The following RANBP2 variants were observed in gnomAD, a reference collection of about 807,000 sequenced individuals.
RANBP2 encodes the protein RAN binding protein 2, also known as E3 SUMO-protein ligase RanBP2.
RANBP2 carries 57 observed loss-of-function variants against 303.6 expected under a neutral mutation model. The ratio of observed to expected loss-of-function variants is 0.19; its 90% CI spans 0.15 to 0.23. The LOEUF is 0.23. Among genes scored for constraint, RANBP2 ranks in the 10% least tolerant of loss-of-function variants. The probability of loss-of-function intolerance (pLI) is 1.00; values close to 1 mark genes in which losing one functional copy is unlikely to be tolerated. For synonymous variants in RANBP2, 1,167 were observed against 1,301.5 expected (o/e 0.90, Z 2.23); for missense variants, 3,138 against 3,780.8 (o/e 0.83, Z 4.46).
chr2:109,691,087 A>ATC, the RANBP2 span, among the ~76,000 whole-genome samples: 1 of 152,278 alleles, frequency 6.6e-6, no homozygotes, highest in East Asian at 1.9e-4. Flanking sequence ...AAGACCTTGG[A>ATC]TCTCTCCTGG....
At chr2:109,643,512 C>T in the RANBP2 span, among the ~76,000 whole-genome samples, 36 of 152,214 alleles carry the variant, frequency 2.4e-4, no homozygotes, top group Admixed American at 1.2e-3. Flanking sequence ...GTAATCCCAG[C>T]ACTTTGGGAG....
At chr2:109,593,050 C>A in the RANBP2 span, 1 of 1,580,896 alleles carries the variant, frequency 6.3e-7, no homozygotes, top group Non-Finnish European at 8.6e-7. Flanking sequence ...GACATACTCA[C>A]TATCTGTTCA....
At chr2:109,544,497 C>T in the RANBP2 span, 5 of 985,142 alleles carry the variant, frequency 5.1e-6, no homozygotes, top group Non-Finnish European at 6.0e-6. Flanking sequence ...TTCTAGAGAG[C>T]TCTCAAAAAA....
chr2:108,900,677 T>C, the RANBP2 span, among the ~76,000 whole-genome samples: 1 of 152,134 alleles, frequency 6.6e-6, no homozygotes, highest in African/African-American at 2.4e-5. Context: ...GAAACTCACT[T>C]CAATATAATG....
the RANBP2 span, among the ~76,000 whole-genome samples, chr2:109,200,336 G>T: frequency 2.6e-5 from 4 of 152,166 alleles, no homozygotes; most frequent in African/African-American, 9.7e-5. Flanking sequence ...CTCACTAGCA[G>T]CCTCCTTTCC....
chr2:109,719,654 C>G, the RANBP2 span, among the ~76,000 whole-genome samples: 1 of 152,184 alleles, frequency 6.6e-6, no homozygotes, highest in Non-Finnish European at 1.5e-5. Context: ...ATCCGCTAGC[C>G]TCGGCCTCCC....
the RANBP2 span, among the ~76,000 whole-genome samples, chr2:109,261,470 G>A: frequency 1.3e-5 from 2 of 152,170 alleles, no homozygotes; most frequent in African/African-American, 4.8e-5. Flanking sequence ...CTTGGCTTTG[G>A]AGGTGTCAGA....
chr2:108,763,113 A>T, intron 19 of RANBP2, 124 bp from the exon 20 acceptor site: 1 of 1,139,638 alleles, frequency 8.8e-7, no homozygotes, highest in Non-Finnish European at 1.3e-6. Context: ...GATGTGTACT[A>T]CATCCCCTAA....
the RANBP2 span, among the ~76,000 whole-genome samples, chr2:109,492,118 A>G: frequency 0.083 from 12,638 of 152,262 alleles, 676 homozygotes; most frequent in African/African-American, 0.15. Context: ...GTGGCCACAC[A>G]CTGTATGTAG....
At chr2:109,178,093 A>G in the RANBP2 span, among the ~76,000 whole-genome samples, 1 of 152,140 alleles carries the variant, frequency 6.6e-6, no homozygotes, top group African/African-American at 2.4e-5. Flanking sequence ...AACTAAAAAT[A>G]TTTTCTCTTT....
chr2:109,531,446 A>G, the RANBP2 span, among the ~76,000 whole-genome samples: 1 of 152,192 alleles, frequency 6.6e-6, no homozygotes, highest in African/African-American at 2.4e-5. Flanking sequence ...CTGACCCACA[A>G]GACTTCTGAG....
chr2:108,774,696 T>C (rs1202134542), intron 23 of RANBP2, among the ~76,000 whole-genome samples: 1 of 150,946 alleles, frequency 6.6e-6, no homozygotes, highest in Non-Finnish European at 1.5e-5. Flanking sequence ...GCACTTTTTT[T>C]CTAGTTTCTT....
the RANBP2 span, among the ~76,000 whole-genome samples, chr2:109,660,467 A>T: frequency 6.6e-6 from 1 of 152,160 alleles, no homozygotes; most frequent in Non-Finnish European, 1.5e-5. Flanking sequence ...CTTTCATTGC[A>T]TTGTGTGTTT....
chr2:109,626,100 C>G, the RANBP2 span, among the ~76,000 whole-genome samples: 1 of 152,194 alleles, frequency 6.6e-6, no homozygotes, highest in Non-Finnish European at 1.5e-5. Context: ...GGACCTTGGT[C>G]TCCCTTGCTA....
chr2:108,895,009 G>C, the RANBP2 span: 1 of 150,116 alleles, frequency 6.7e-6, no homozygotes, highest in African/African-American at 2.5e-5. Context: ...TAATTAAGGG[G>C]AGACTCACTC....
the RANBP2 span, among the ~76,000 whole-genome samples, chr2:109,554,999 T>C: frequency 6.6e-6 from 1 of 152,186 alleles, no homozygotes; most frequent in East Asian, 1.9e-4. Flanking sequence ...CTTCTTTCCA[T>C]TTCTACAGAT....
At chr2:108,849,442 C>T in the RANBP2 span, among the ~76,000 whole-genome samples, 1 of 152,076 alleles carries the variant, frequency 6.6e-6, no homozygotes, top group African/African-American at 2.4e-5. Context: ...TCCTCCACAC[C>T]CTGGCCACTG....
the RANBP2 span, among the ~76,000 whole-genome samples, chr2:109,458,116 C>T: frequency 6.6e-6 from 1 of 152,216 alleles, no homozygotes; most frequent in Non-Finnish European, 1.5e-5. Flanking sequence ...ATACCATCAT[C>T]TCCCTCTAGG....
chr2:108,952,146 A>G, the RANBP2 span, among the ~76,000 whole-genome samples: 1 of 152,240 alleles, frequency 6.6e-6, no homozygotes, highest in Non-Finnish European at 1.5e-5. Flanking sequence ...GTGGCATTTG[A>G]TATCATCTCA....
Sources: allele counts gnomAD v4.1 joint callset (sites outside exome capture counted in the v4.1 genomes callset), GRCh38; gene constraint gnomAD v4.1.1; transcripts MANE v1.5; gene names NCBI Gene and HGNC (gene_info 2026-07-23, HGNC 2026-07-21).